The following CCDC192 variants were observed in gnomAD, a reference collection of about 807,000 sequenced individuals.
CCDC192 encodes the protein coiled-coil domain-containing protein 192.
chr5:127,769,109 T>C (rs1026672978), intron 3 of CCDC192, among the ~76,000 whole-genome samples: 2 of 152,188 alleles, frequency 1.3e-5, no homozygotes, highest in Non-Finnish European at 1.5e-5. Flanking sequence ...CGCATGTAAA[T>C]GTGTGGGTTG....
chr5:127,777,407 G>A (rs563783363), intron 3 of CCDC192, among the ~76,000 whole-genome samples: 1 of 152,292 alleles, frequency 6.6e-6, no homozygotes, highest in South Asian at 2.1e-4. Context: ...TTGTATCTAG[G>A]AAGTAACTAA....
In CCDC192 at chr5:127,912,419, CA is replaced by C. The variant is rs60854127; in HGVS notation, c.536-28742del. The stretch of plus-strand genomic sequence containing the variant: ...AGTGAGAATAGATTCCTGGGTTTAG[CA>C]AAAAAAAAAAAAAAAAAAAATGAAG... On this transcript the variant is annotated intron_variant, in intron 6 of 6. Transcript: ENST00000514853. Among the ~76,000 whole-genome samples the C allele has an allele frequency of 1.5e-3, 125 of 81,436 alleles. 1 individual carries two copies. Among genetic ancestry groups the C allele is most frequent in the Middle Eastern group, 0.019 (2 of 106 alleles). The allele number at this position is 81,436 out of a possible 152,430, so 53.4% of individuals were successfully genotyped here. A position where few individuals can be genotyped will look rare whatever the true frequency, so the allele number is the denominator to read the frequency against.
intron 3 of CCDC192, among the ~76,000 whole-genome samples, chr5:127,783,884 A>G (rs750213883): frequency 1.2e-4 from 18 of 152,144 alleles, no homozygotes; most frequent in South Asian, 6.2e-4. Flanking sequence ...CCATCATATA[A>G]TGTCCCTCTT....
intron 2 of CCDC192, among the ~76,000 whole-genome samples, chr5:127,721,913 G>A (rs915758520): frequency 7.9e-5 from 12 of 152,098 alleles, no homozygotes; most frequent in African/African-American, 1.9e-4. Context: ...ATTATCATGC[G>A]AACTACAAGG....
chr5:127,777,296 G>T (rs1755924885), intron 3 of CCDC192, among the ~76,000 whole-genome samples: 1 of 152,194 alleles, frequency 6.6e-6, no homozygotes, highest in South Asian at 2.1e-4. Context: ...AGATTTGATT[G>T]CCCTGCTGGA....
intron 6 of CCDC192, among the ~76,000 whole-genome samples, chr5:127,902,852 A>G (rs1381997344): frequency 1.3e-5 from 2 of 152,056 alleles, no homozygotes; most frequent in Non-Finnish European, 2.9e-5. Flanking sequence ...GTAGGTCAAA[A>G]TTCTTAATTG....
chr5:127,883,409 T>C (rs1426609141), intron 6 of CCDC192, among the ~76,000 whole-genome samples: 1 of 152,206 alleles, frequency 6.6e-6, no homozygotes, highest in Non-Finnish European at 1.5e-5. Context: ...ACTTTCTAAA[T>C]ATGATAAATT....
At chr5:127,902,408 T>C (rs1034380162) in intron 6 of CCDC192, among the ~76,000 whole-genome samples, 1 of 152,064 alleles carries the variant, frequency 6.6e-6, no homozygotes, top group Non-Finnish European at 1.5e-5. Context: ...ACATGTTTGT[T>C]AAAGAAAACA....
intron 6 of CCDC192, among the ~76,000 whole-genome samples, chr5:127,929,017 A>G (rs12173092): frequency 0.29 from 43,576 of 151,812 alleles, 6,451 homozygotes; most frequent in East Asian, 0.34. Context: ...CACCCACCTC[A>G]GCCTCCCAAA....
chr5:127,739,808 C>T (rs1753295628), intron 2 of CCDC192: 1 of 152,960 alleles, frequency 6.5e-6, no homozygotes, highest in Admixed American at 6.5e-5. Flanking sequence ...GTGTGCGCAC[C>T]CACTGACCTG....
At chr5:127,766,090 G>C (rs1373867286) in intron 3 of CCDC192, among the ~76,000 whole-genome samples, 2 of 152,070 alleles carry the variant, frequency 1.3e-5, no homozygotes, top group Non-Finnish European at 2.9e-5. Context: ...TGATTCTGAC[G>C]GGATGATTTT....
chr5:127,771,876 G>A (rs1755573791), intron 3 of CCDC192, among the ~76,000 whole-genome samples: 2 of 152,102 alleles, frequency 1.3e-5, no homozygotes, highest in Admixed American at 6.5e-5. Context: ...AGGAAAAAAA[G>A]GGGAAGCAGG....
intron 2 of CCDC192, among the ~76,000 whole-genome samples, chr5:127,716,121 CT>C (rs548275570): frequency 2.7e-5 from 4 of 150,642 alleles, no homozygotes; most frequent in Admixed American, 6.6e-5. Context: ...TCATCAAATG[CT>C]TTTTTTTTGC....
At chr5:127,835,378 A>G (rs879503499) in intron 5 of CCDC192, among the ~76,000 whole-genome samples, 23 of 152,308 alleles carry the variant, frequency 1.5e-4, no homozygotes, top group Admixed American at 7.8e-4. Context: ...CCCAGTTTCT[A>G]AATTCCTAAT....
chr5:127,818,237 A>G (rs1013032398), intron 5 of CCDC192, among the ~76,000 whole-genome samples: 1 of 152,210 alleles, frequency 6.6e-6, no homozygotes, highest in Admixed American at 6.5e-5. Flanking sequence ...GAATTTGAAT[A>G]TATAAATCCA....
chr5:127,745,820 G>A (rs1369489974), intron 2 of CCDC192, among the ~76,000 whole-genome samples: 3 of 152,150 alleles, frequency 2.0e-5, no homozygotes, highest in Admixed American at 6.5e-5. Flanking sequence ...CAAATTGCAT[G>A]TGTCCACACG....
At chr5:127,791,575 A>C (rs1002388889) in intron 3 of CCDC192, among the ~76,000 whole-genome samples, 2 of 152,196 alleles carry the variant, frequency 1.3e-5, no homozygotes, top group African/African-American at 4.8e-5. Flanking sequence ...CTGGAATACA[A>C]GGAAATTCCT....
intron 5 of CCDC192, among the ~76,000 whole-genome samples, chr5:127,861,453 G>A (rs921222943): frequency 6.6e-6 from 1 of 150,998 alleles, no homozygotes; most frequent in East Asian, 2.0e-4. Context: ...TCAGGAGTTC[G>A]AGACCAGCCC....
intron 2 of CCDC192, among the ~76,000 whole-genome samples, chr5:127,743,691 G>T (rs1753565373): frequency 6.6e-6 from 1 of 152,140 alleles, no homozygotes; most frequent in African/African-American, 2.4e-5. Context: ...GACTATTGAG[G>T]CAAACCCAAA....
Sources: allele counts gnomAD v4.1 joint callset (sites outside exome capture counted in the v4.1 genomes callset), GRCh38; gene constraint gnomAD v4.1.1; transcripts MANE v1.5; gene names NCBI Gene and HGNC (gene_info 2026-07-23, HGNC 2026-07-21).